FBXO47: variants seen among roughly 807,000 people sequenced by gnomAD.
The protein encoded by FBXO47 is F-box protein 47, also known as F-box only protein 47.
FBXO47 carries 34 observed loss-of-function variants against 53.9 expected under a neutral mutation model. The observed-to-expected ratio is 0.63, with a 90% CI of 0.48 to 0.84. The LOEUF is 0.84. FBXO47 is among the 40% of genes least tolerant of loss of function. The pLI is 0.00. For missense variants in FBXO47, 485 were observed against 541.3 expected, an observed-to-expected ratio of 0.90 and a Z score of 1.03; for synonymous variants, 165 against 181.6, an observed-to-expected ratio of 0.91 and a Z score of 0.73.
chr17:38,939,022 G>C (rs1489659558), intron 9 of FBXO47, among the ~76,000 whole-genome samples: 1 of 151,856 alleles, frequency 6.6e-6, no homozygotes, highest in Non-Finnish European at 1.5e-5. Context: ...GGCCAGGCAC[G>C]CTGGCTCATG....
At chr17:38,950,179 C>A (rs750159826) in intron 6 of FBXO47, among the ~76,000 whole-genome samples, 1 of 151,882 alleles carries the variant, frequency 6.6e-6, no homozygotes, top group South Asian at 2.1e-4. Flanking sequence ...CTCCCCACTC[C>A]CCCCTCCCCT....
intron 6 of FBXO47, among the ~76,000 whole-genome samples, chr17:38,945,949 ATATATAT>A (rs1271475880): frequency 1.1e-5 from 1 of 93,060 alleles, no homozygotes; most frequent in African/African-American, 3.7e-5. Context: ...AAAAAAAAAA[ATATATAT>A]ATATATATAA....
intron 5 of FBXO47, among the ~76,000 whole-genome samples, chr17:38,953,585 A>G (rs1905410993): frequency 6.6e-6 from 1 of 152,126 alleles, no homozygotes; most frequent in South Asian, 2.1e-4. Context: ...AGAGTGTGCC[A>G]CTGCACTCCA....
Position 38,937,016 on chromosome 17 carries a change from T to C in FBXO47, c.*159A>G. On this transcript the variant is annotated 3_prime_UTR_variant, in exon 11 of 11. Coordinates refer to ENST00000378079, the MANE Select transcript of FBXO47 (RefSeq NM_001008777.3). The stretch of plus-strand genomic sequence containing the variant: ...CTGCCTGTTATTTTTATATTAATAA[T>C]GATGTACGTAGTTGCTTCTAAAATT... 2.4e-6 allele frequency: 1 copy of C among 417,394 alleles called. No individual in the cohort carries two copies. The highest frequency in any genetic ancestry group is 7.1e-5 in the South Asian group (1 of 14,096). 25.9% of individuals were successfully genotyped at this position (417,394 alleles called of 1,614,324 possible).
chr17:38,956,424 C>G (rs1905559757), intron 4 of FBXO47, among the ~76,000 whole-genome samples: 1 of 151,546 alleles, frequency 6.6e-6, no homozygotes, highest in Non-Finnish European at 1.5e-5. Flanking sequence ...CTCATCTCTA[C>G]TAAAAGTACA....
chr17:38,959,054 G>A (rs1461241161), intron 3 of FBXO47, among the ~76,000 whole-genome samples: 1 of 151,648 alleles, frequency 6.6e-6, no homozygotes, highest in Admixed American at 6.6e-5. Flanking sequence ...AGGCATGTGT[G>A]ACTGCATCCA....
At chr17:38,961,153 GCTA>G (rs1905797131) in intron 3 of FBXO47, among the ~76,000 whole-genome samples, 1 of 151,994 alleles carries the variant, frequency 6.6e-6, no homozygotes, top group Non-Finnish European at 1.5e-5. Context: ...GCATCCTTGG[GCTA>G]CTAAAAGGCA....
intron 6 of FBXO47, 69 bp from the exon 7 acceptor site, chr17:38,945,205 A>G (rs1904700433): frequency 1.8e-6 from 2 of 1,117,556 alleles, no homozygotes. Flanking sequence ...ATAGTGATCA[A>G]AGCAACTTAT....
chr17:38,959,479 C>T (rs1199767232), intron 3 of FBXO47, among the ~76,000 whole-genome samples: 1 of 145,224 alleles, frequency 6.9e-6, no homozygotes, highest in Non-Finnish European at 1.5e-5. Flanking sequence ...ACTGGAGATG[C>T]TGAGGCATGA....
intron 5 of FBXO47, among the ~76,000 whole-genome samples, chr17:38,954,246 C>T (rs543544135): frequency 1.1e-4 from 16 of 151,730 alleles, no homozygotes; most frequent in African/African-American, 3.6e-4. Flanking sequence ...TGCAGTGAGC[C>T]GAGATCATGC....
intron 10 of FBXO47, among the ~76,000 whole-genome samples, chr17:38,938,019 CAAGTT>C (rs913459307): frequency 8.5e-5 from 13 of 152,224 alleles, no homozygotes; most frequent in Admixed American, 3.9e-4. Context: ...TTTACTAAGT[CAAGTT>C]AACTACTGAA....
intron 3 of FBXO47, 97 bp downstream of exon 3, chr17:38,961,780 A>G: frequency 9.6e-7 from 1 of 1,045,120 alleles, no homozygotes; most frequent in Non-Finnish European, 1.4e-6. Flanking sequence ...ATTTTGGAAT[A>G]TATTCCATTT....
chr17:38,951,768 C>T (rs1182986680), intron 5 of FBXO47, 79 bp from the exon 6 acceptor site: 16 of 1,059,946 alleles, frequency 1.5e-5, no homozygotes, highest in South Asian at 2.8e-5. Context: ...TGGTGGCTCA[C>T]GCCTGTAATC....
chr17:38,957,644 ATGTTT>A (rs1357235443), intron 3 of FBXO47, among the ~76,000 whole-genome samples: 2 of 151,718 alleles, frequency 1.3e-5, no homozygotes, highest in Non-Finnish European at 2.9e-5. Context: ...ACAAAGGAAT[ATGTTT>A]TAAGAGTTGT....
intron 8 of FBXO47, among the ~76,000 whole-genome samples, 193 bp downstream of exon 8, chr17:38,943,397 G>A (rs1375278986): frequency 6.6e-6 from 1 of 152,042 alleles, no homozygotes; most frequent in Non-Finnish European, 1.5e-5. Context: ...TTATAAAATT[G>A]GCAAGCAAAG....
chr17:38,946,123 T>TACATAAATAA (rs1904773667), intron 6 of FBXO47, among the ~76,000 whole-genome samples: 4 of 119,358 alleles, frequency 3.4e-5, no homozygotes, highest in African/African-American at 1.3e-4. Flanking sequence ...CATAAATAAA[T>TACATAAATAA]ATATATACAT....
chr17:38,953,607 A>G (rs1012144786), intron 5 of FBXO47, among the ~76,000 whole-genome samples: 1 of 152,206 alleles, frequency 6.6e-6, no homozygotes, highest in Non-Finnish European at 1.5e-5. Flanking sequence ...CCTGGGCGAC[A>G]GAGTGAGACT....
Position 38,944,848 on chromosome 17 carries a change from A to ATGTGTGTGTG in FBXO47, c.793+102_793+111dup, listed in dbSNP as rs71300085. The ATGTGTGTGTG allele has an allele frequency of 9.4e-3, 5,787 of 616,712 alleles. 159 individuals are homozygous for ATGTGTGTGTG. The highest frequency in any genetic ancestry group is 0.078 in the African/African-American group (4,076 of 52,152). The allele number at this position is 616,712 out of a possible 1,614,324, so 38.2% of individuals were successfully genotyped here. On this transcript the variant is annotated intron_variant, in intron 7 of 10. Coordinates refer to ENST00000378079, the MANE Select transcript of FBXO47 (RefSeq NM_001008777.3). ...ATCGCACCACTGTGTGCGTGCATGCATGTGTGTGTGTGTGTGTGTGTGTAT... is the reference window on the plus strand; with the variant it reads ...ATCGCACCACTGTGTGCGTGCATGCATGTGTGTGTGTGTGTGTGTGTGTGTGTGTGTGTAT...
intron 1 of FBXO47, among the ~76,000 whole-genome samples, chr17:38,966,247 G>A (rs1471664033): frequency 6.6e-6 from 1 of 152,114 alleles, no homozygotes; most frequent in Non-Finnish European, 1.5e-5. Context: ...AGTCTCCTGG[G>A]CTGGAGTGCA....
Sources: allele counts gnomAD v4.1 joint callset (sites outside exome capture counted in the v4.1 genomes callset), GRCh38; gene constraint gnomAD v4.1.1; transcripts MANE v1.5; gene names NCBI Gene and HGNC (gene_info 2026-07-23, HGNC 2026-07-21).